Variants in FAR2 observed in about 807,000 individuals in gnomAD.
The protein encoded by FAR2 is epididymis secretory protein Li 81.
In FAR2, 19 loss-of-function variants were observed where a neutral mutation model predicts 56.0. That is an observed-to-expected ratio of 0.34 (90% confidence interval 0.24 to 0.50). The LOEUF is 0.50. FAR2 is among the 20% of genes least tolerant of loss of function. The pLI is 0.98. For synonymous variants in FAR2, 219 were observed against 218.8 expected (o/e 1.00, Z -0.01); for missense variants, 508 against 642.2 (o/e 0.79, Z 2.26).
intron 1 of FAR2, among the ~76,000 whole-genome samples, chr12:29,204,221 G>T (rs907391432): frequency 6.6e-6 from 1 of 151,952 alleles, no homozygotes; most frequent in African/African-American, 2.4e-5. Context: ...GACAGATGCA[G>T]ATTTTTTCAC....
chr12:29,177,613 GA>G (rs1285271086), intron 1 of FAR2, among the ~76,000 whole-genome samples: 2 of 151,730 alleles, frequency 1.3e-5, no homozygotes, highest in African/African-American at 4.8e-5. Flanking sequence ...GTAGTGGGTT[GA>G]AAAAAAGCAT....
At chr12:29,277,140 G>T (rs1488199059) in intron 2 of FAR2, among the ~76,000 whole-genome samples, 1 of 152,002 alleles carries the variant, frequency 6.6e-6, no homozygotes, top group Non-Finnish European at 1.5e-5. Context: ...ACCGCGCCTG[G>T]CTAATTTTTG....
intron 1 of FAR2, among the ~76,000 whole-genome samples, chr12:29,257,587 A>G (rs913731594): frequency 6.6e-6 from 1 of 151,828 alleles, no homozygotes; most frequent in South Asian, 2.1e-4. Flanking sequence ...GAGCTGTAAC[A>G]CTCACTGCGA....
At chr12:29,190,017 CAT>C (rs1181457726) in intron 1 of FAR2, among the ~76,000 whole-genome samples, 2 of 152,040 alleles carry the variant, frequency 1.3e-5, no homozygotes, top group African/African-American at 4.8e-5. Context: ...AAGGACAACT[CAT>C]GGATTGGAGG....
intron 1 of FAR2, among the ~76,000 whole-genome samples, chr12:29,165,882 G>A (rs1949821956): frequency 6.6e-6 from 1 of 152,190 alleles, no homozygotes; most frequent in Admixed American, 6.5e-5. Context: ...GAGTTATCAG[G>A]TGTCCAAATG....
At chr12:29,210,808 C>T (rs1295017795) in intron 1 of FAR2, among the ~76,000 whole-genome samples, 4 of 152,128 alleles carry the variant, frequency 2.6e-5, no homozygotes, top group African/African-American at 4.8e-5. Flanking sequence ...AAAACTTAAT[C>T]GGGTGCGGTG....
At chr12:29,266,199 T>C (rs1267123421) in intron 1 of FAR2, among the ~76,000 whole-genome samples, 1 of 152,158 alleles carries the variant, frequency 6.6e-6, no homozygotes, top group Non-Finnish European at 1.5e-5. Context: ...CAAAGAGATA[T>C]CTGCACTCCC....
rs1565489336 is a variant in FAR2 at position 29,253,243 on chromosome 12, ATATATCGATATC to A, written c.-38-17165_-38-17154del. On this transcript the variant is annotated intron_variant, in intron 1 of 11. Transcript: ENST00000536681. ...TCGATATCTATCTAGATAGATATCT[ATATATCGATATC>A]TATCTAGATAGATATCTATATATCG... Among the ~76,000 whole-genome samples, 143 of 79,336 alleles carry A rather than the reference ATATATCGATATC, an allele frequency of 1.8e-3. 24 individuals carry two copies. The highest frequency in any genetic ancestry group is 0.012 in the African/African-American group (135 of 11,040). The allele number at this position is 79,336 out of a possible 152,430, so 52.0% of individuals were successfully genotyped here.
chr12:29,181,175 T>G (rs148166689), intron 1 of FAR2, among the ~76,000 whole-genome samples: 180 of 151,880 alleles, frequency 1.2e-3, no homozygotes, highest in African/African-American at 3.8e-3. Context: ...AACAGAGAGA[T>G]AAATTTTTAG....
At chr12:29,330,269 C>A (rs955508265) in intron 10 of FAR2, among the ~76,000 whole-genome samples, 2 of 151,928 alleles carry the variant, frequency 1.3e-5, no homozygotes, top group African/African-American at 4.8e-5. Context: ...ATTGGTCAGG[C>A]GGGTCTTGAA....
rs143273451 is a variant in FAR2, at chr12:29,256,227, A to T, written c.-38-14185A>T. ...TTAAAACATGGGGTCCTGCTTTGTC[A>T]CCCAGGCTAGAGGGCAGTGGCGCCA... is the stretch of plus-strand genomic sequence containing the variant. On this transcript the variant is annotated intron_variant, in intron 1 of 11. Coordinates refer to ENST00000536681, the MANE Select transcript of FAR2 (RefSeq NM_001271783.2). 2.1e-3 allele frequency among the ~76,000 whole-genome samples: 315 copies of T among 151,960 alleles called. 1 individual carries two copies. The highest frequency in any genetic ancestry group is 7.4e-3 in the African/African-American group (306 of 41,432).
At chr12:29,322,215 C>A (rs1313426104) in intron 10 of FAR2, among the ~76,000 whole-genome samples, 1 of 152,180 alleles carries the variant, frequency 6.6e-6, no homozygotes, top group East Asian at 1.9e-4. Flanking sequence ...TGATAGTTAT[C>A]ATTTCTACAA....
chr12:29,253,266 GATATCTAT>G (rs1455276306), intron 1 of FAR2, among the ~76,000 whole-genome samples: 1 of 53,386 alleles, frequency 1.9e-5, no homozygotes, highest in East Asian at 9.5e-4. Context: ...TATCTAGATA[GATATCTAT>G]ATATCGATAT....
At chr12:29,220,113 C>G (rs530243261) in intron 1 of FAR2, among the ~76,000 whole-genome samples, 20 of 152,250 alleles carry the variant, frequency 1.3e-4, no homozygotes, top group African/African-American at 4.6e-4. Flanking sequence ...AGAAACAGAG[C>G]TGGCACTAGA....
At chr12:29,208,069 A>G (rs564598107) in intron 1 of FAR2, among the ~76,000 whole-genome samples, 42 of 152,378 alleles carry the variant, frequency 2.8e-4, no homozygotes, top group South Asian at 4.1e-4. Flanking sequence ...TATATAAAAT[A>G]GTATTTCAAG....
chr12:29,314,157 G>A (rs539904977), intron 8 of FAR2, among the ~76,000 whole-genome samples: 1 of 152,260 alleles, frequency 6.6e-6, no homozygotes, highest in South Asian at 2.1e-4. Context: ...ACATGTGCAT[G>A]AATTTCTACT....
At chr12:29,292,360 A>G (rs1019126526) in intron 2 of FAR2, 2 of 152,214 alleles carry the variant, frequency 1.3e-5, no homozygotes, top group African/African-American at 4.8e-5. Flanking sequence ...AAAATATATC[A>G]TGTAGACTCA....
intron 1 of FAR2, among the ~76,000 whole-genome samples, chr12:29,247,834 G>A (rs980537993): frequency 3.3e-5 from 5 of 152,274 alleles, no homozygotes; most frequent in Admixed American, 3.3e-4. Flanking sequence ...TGCCATAGTA[G>A]TACAATAAGT....
intron 2 of FAR2, among the ~76,000 whole-genome samples, chr12:29,284,934 C>T (rs1266016978): frequency 2.0e-5 from 3 of 152,058 alleles, no homozygotes; most frequent in Non-Finnish European, 4.4e-5. Context: ...CTCCACCTCC[C>T]GGGTTCACGC....
Sources: allele counts gnomAD v4.1 joint callset (sites outside exome capture counted in the v4.1 genomes callset), GRCh38; gene constraint gnomAD v4.1.1; transcripts MANE v1.5; gene names NCBI Gene and HGNC (gene_info 2026-07-23, HGNC 2026-07-21).